Variants in STAT3 observed in about 807,000 individuals in gnomAD.
STAT3 encodes signal transducer and activator of transcription 3, also known as DNA-binding protein APRF.
In STAT3, 7 loss-of-function variants were observed where a neutral mutation model predicts 114.3. The ratio of observed to expected loss-of-function variants is 0.06; its 90% CI spans 0.03 to 0.11. STAT3 has a LOEUF of 0.11. STAT3 is among the 10% of genes least tolerant of loss of function. STAT3 has a pLI of 1.00. For missense variants in STAT3, 364 were observed against 960.9 expected, an observed-to-expected ratio of 0.38 and a Z score of 8.21; for synonymous variants, 331 against 354.5, an observed-to-expected ratio of 0.93 and a Z score of 0.74.
At chr17:42,336,895 T>C (rs1345855438) in intron 8 of STAT3, among the ~76,000 whole-genome samples, 1 of 151,956 alleles carries the variant, frequency 6.6e-6, no homozygotes, top group Non-Finnish European at 1.5e-5. Context: ...AATTGAATTA[T>C]TAAGTAAAAT....
chr17:42,355,245 A>T (rs2083173709), intron 1 of STAT3, among the ~76,000 whole-genome samples: 1 of 152,200 alleles, frequency 6.6e-6, no homozygotes, highest in African/African-American at 2.4e-5. Flanking sequence ...GTGGGTTTTT[A>T]AAAAAATTTT....
chr17:42,380,060 A>G (rs1427321674), intron 1 of STAT3, among the ~76,000 whole-genome samples: 1 of 152,028 alleles, frequency 6.6e-6, no homozygotes, highest in Non-Finnish European at 1.5e-5. Flanking sequence ...TTTGTGACGG[A>G]GTCTTGCTCT....
chr17:42,327,787 C>A (rs2081795861), intron 14 of STAT3, among the ~76,000 whole-genome samples: 1 of 152,152 alleles, frequency 6.6e-6, no homozygotes, highest in Non-Finnish European at 1.5e-5. Flanking sequence ...GCGGCTCATG[C>A]CTGTAATCCC....
intron 1 of STAT3, among the ~76,000 whole-genome samples, chr17:42,373,742 G>A (rs12937642): frequency 0.26 from 39,262 of 151,380 alleles, 5,310 homozygotes; most frequent in East Asian, 0.39. Context: ...AAAATTAGCC[G>A]GGCATCGTGG....
intron 10 of STAT3, among the ~76,000 whole-genome samples, chr17:42,332,952 G>A (rs2082085719): frequency 2.0e-5 from 3 of 152,148 alleles, no homozygotes; most frequent in African/African-American, 7.2e-5. Flanking sequence ...AGTGAGCTGA[G>A]ATCATGCCAC....
rs2144606568 is a variant in STAT3, at chr17:42,315,789, A to T, written c.2269T>A (p.Phe757Ile). The T allele has an allele frequency of 6.2e-7, 1 of 1,614,096 alleles. No homozygotes were observed. The highest frequency in any genetic ancestry group is 8.5e-7 in the Non-Finnish European group (1 of 1,180,018). Residue 757 changes from phenylalanine (F) to isoleucine (I), a missense_variant, in exon 24 of 24, where the codon TTT becomes ATT. This residue lies in a region of STAT3 where 37 missense variants were observed against 66.5 expected (regional missense o/e 0.56). Coordinates refer to ENST00000264657, the MANE Select transcript of STAT3 (RefSeq NM_139276.3). ...SAGGQFESLTFDMELTSECAT... is the reference protein window; with the variant it reads ...SAGGQFESLTIDMELTSECAT... Reference sequence around the variant, plus strand: ...CACTCCGAGGTCAACTCCATGTCAAAGGTGAGGGACTCTGGAGGGACAGAC... The same window carrying T: ...CACTCCGAGGTCAACTCCATGTCAATGGTGAGGGACTCTGGAGGGACAGAC...
At position 42,342,666 on chromosome 17, in the gene STAT3, T is replaced by C. The variant is rs557962587; in HGVS notation, c.372+2893A>G. On this transcript the variant is annotated intron_variant, in intron 4 of 23. Transcript: ENST00000264657. ...GAAGAAGGTATTGTTATCACTCCCA[T>C]TGGAGGAACAGAGAGAGTAAAAATT... Among the ~76,000 whole-genome samples, 11 of 152,212 alleles carry C rather than the reference T, an allele frequency of 7.2e-5. No individual in the cohort carries two copies. The South Asian group carries it at 1.0e-3, about 14-fold the overall frequency.
intron 8 of STAT3, among the ~76,000 whole-genome samples, chr17:42,334,841 C>T (rs146775126): frequency 6.6e-6 from 1 of 152,276 alleles, no homozygotes; most frequent in East Asian, 1.9e-4. Context: ...AAAATTTATA[C>T]CACTAGGAGG....
chr17:42,377,983 ATTTTTTTTTTTT>A (rs11378560), intron 1 of STAT3, among the ~76,000 whole-genome samples: 1 of 127,716 alleles, frequency 7.8e-6, no homozygotes, highest in African/African-American at 3.0e-5. Context: ...CAGAAACAGG[ATTTTTTTTTTTT>A]TTTTTTTTGA....
In STAT3 at chr17:42,388,323, C is replaced by A. The variant is rs897853878; in HGVS notation, c.-68G>T. 2.4e-6 allele frequency: 3 copies of A among 1,231,846 alleles called. No homozygotes were observed. The highest frequency in any genetic ancestry group is 3.1e-5 in the African/African-American group (2 of 64,416). 76.3% of individuals were successfully genotyped at this position (1,231,846 alleles called of 1,614,324 possible). A position where few individuals can be genotyped will look rare whatever the true frequency, so the allele number is the denominator to read the frequency against. On this transcript the variant is annotated 5_prime_UTR_variant, in exon 1 of 24. Transcript: ENST00000264657. ...CGAGAGGCCGGGGCTGCGCGTGTGC[C>A]GGGGACGGGCGGCGAGGCTCCCTCA...
intron 1 of STAT3, among the ~76,000 whole-genome samples, chr17:42,369,375 C>T (rs182607752): frequency 8.5e-4 from 129 of 152,116 alleles, no homozygotes; most frequent in African/African-American, 2.6e-3. Flanking sequence ...AACAAACAAA[C>T]AAACAAACAA....
At chr17:42,316,210 A>C in intron 23 of STAT3, 1 of 520,626 alleles carries the variant, frequency 1.9e-6, no homozygotes, top group Non-Finnish European at 2.8e-6. Context: ...AAAAGAATAA[A>C]AAAAGGTCTC....
intron 14 of STAT3, among the ~76,000 whole-genome samples, chr17:42,327,035 A>G (rs944866858): frequency 1.3e-5 from 2 of 152,114 alleles, no homozygotes; most frequent in Non-Finnish European, 2.9e-5. Context: ...GTGATCCTCA[A>G]CCTAATCCTT....
At chr17:42,369,681 C>G (rs2083999881) in intron 1 of STAT3, among the ~76,000 whole-genome samples, 1 of 152,090 alleles carries the variant, frequency 6.6e-6, no homozygotes, top group Non-Finnish European at 1.5e-5. Flanking sequence ...GACAGGGTCT[C>G]ACTCTGTGGC....
chr17:42,334,155 C>T, intron 8 of STAT3, 106 bp from the exon 9 acceptor site: 1 of 1,340,838 alleles, frequency 7.5e-7, no homozygotes. Flanking sequence ...ACAATAAGAA[C>T]AAGGAATTTT....
chr17:42,319,774 G>C (rs1176720464), intron 21 of STAT3, among the ~76,000 whole-genome samples: 3 of 152,036 alleles, frequency 2.0e-5, no homozygotes, highest in Admixed American at 1.3e-4. Context: ...AAATAGAGAG[G>C]AAATGGTCAC....
At chr17:42,355,837 T>C (rs1296708702) in intron 1 of STAT3, among the ~76,000 whole-genome samples, 8 of 152,188 alleles carry the variant, frequency 5.3e-5, no homozygotes, top group Admixed American at 5.2e-4. Context: ...ATAAAACTTT[T>C]TAAAGTTAAG....
intron 8 of STAT3, among the ~76,000 whole-genome samples, chr17:42,336,499 A>G (rs2082234361): frequency 6.6e-6 from 1 of 152,046 alleles, no homozygotes; most frequent in Admixed American, 6.6e-5. Flanking sequence ...TGAGAAGGCT[A>G]AGGTGGGAAG....
intron 1 of STAT3, 130 bp downstream of exon 1, chr17:42,388,149 G>T: frequency 9.1e-7 from 1 of 1,096,044 alleles, no homozygotes; most frequent in Non-Finnish European, 1.2e-6. Context: ...GACCCTCCGC[G>T]TCTCTTCATC....
Sources: gnomAD v4.1 joint callset for allele counts (sites outside exome capture counted in the v4.1 genomes callset) on GRCh38, gnomAD v4.1.1 for gene constraint, gnomAD v4.1.1 regional missense constraint, MANE v1.5 for transcripts, NCBI Gene and HGNC (gene_info 2026-07-23, HGNC 2026-07-21) for gene names.